PRMT8: variants seen among roughly 807,000 people sequenced by gnomAD.
The protein encoded by PRMT8 is protein arginine methyltransferase 8, also known as protein arginine N-methyltransferase 8.
PRMT8 carries 7 observed loss-of-function variants against 47.1 expected under a neutral mutation model. That is an observed-to-expected ratio of 0.15 (90% CI 0.08 to 0.28). The LOEUF is 0.28. Among genes scored for constraint, PRMT8 ranks in the 10% least tolerant of loss-of-function variants. The pLI, the probability that PRMT8 is intolerant of heterozygous loss-of-function variation, is 1.00. For missense variants in PRMT8, 237 were observed against 505.4 expected (o/e 0.47, Z 5.09); for synonymous variants, 188 against 186.5 (o/e 1.01, Z -0.07).
At chr12:3,382,855 C>T (rs558930930) in intron 1 of PRMT8, among the ~76,000 whole-genome samples, 1 of 152,136 alleles carries the variant, frequency 6.6e-6, no homozygotes, top group Non-Finnish European at 1.5e-5. Context: ...GTATATAACT[C>T]CATGATACAT....
At position 3,456,437 on chromosome 12, in the gene PRMT8, A is replaced by G. The variant is rs771314810; in HGVS notation, c.48+74995A>G. Among the ~76,000 whole-genome samples, 1 of 152,064 alleles carries G rather than the reference A, an allele frequency of 6.6e-6. No individual in the cohort carries two copies. Among genetic ancestry groups the G allele is most frequent in the Non-Finnish European group, 1.5e-5 (1 of 68,026 alleles). ...ACTGTTTTCGACAGAATTTCAAGGA[A>G]CTCCCAGAAACTCTGAAGCCACAAG... On this transcript the variant is annotated intron_variant, in intron 1 of 9. Transcript: ENST00000452611. The surrounding 1 kb of genome is among the most constrained non-coding windows in gnomAD (Gnocchi z 4.2).
chr12:3,587,274 A>G (rs912951778), intron 8 of PRMT8, among the ~76,000 whole-genome samples: 18 of 149,596 alleles, frequency 1.2e-4, no homozygotes, highest in African/African-American at 4.4e-4. Flanking sequence ...TATTAACTAG[A>G]ATGTAAATAG....
At chr12:3,475,315 A>C (rs1391139414) in intron 1 of PRMT8, among the ~76,000 whole-genome samples, 4 of 152,200 alleles carry the variant, frequency 2.6e-5, no homozygotes, top group African/African-American at 9.6e-5. Context: ...CAGGAAATGC[A>C]CGATTTCTTA....
intron 1 of PRMT8, among the ~76,000 whole-genome samples, chr12:3,441,093 T>C (rs183920416): frequency 3.3e-5 from 5 of 152,314 alleles, no homozygotes; most frequent in Non-Finnish European, 4.4e-5. Context: ...GATATTTGAA[T>C]TGATGTATCT....
chr12:3,507,400 C>T (rs370764272), intron 1 of PRMT8, among the ~76,000 whole-genome samples: 9 of 152,284 alleles, frequency 5.9e-5, no homozygotes, highest in East Asian at 3.9e-4. Context: ...GGATTACAGG[C>T]GTGAACCACC....
intron 1 of PRMT8, among the ~76,000 whole-genome samples, chr12:3,466,689 A>G (rs772590581): frequency 2.7e-4 from 41 of 152,196 alleles, no homozygotes; most frequent in Non-Finnish European, 5.0e-4. Context: ...TGTTTTGGAC[A>G]ATAGCTTGGG....
At chr12:3,437,897 G>A (rs1160155281) in intron 1 of PRMT8, among the ~76,000 whole-genome samples, 1 of 152,158 alleles carries the variant, frequency 6.6e-6, no homozygotes, top group Non-Finnish European at 1.5e-5. Context: ...GACACACGGC[G>A]AGGGCCCAGT....
intron 1 of PRMT8, among the ~76,000 whole-genome samples, chr12:3,455,210 C>T (rs1267971006): frequency 6.6e-6 from 1 of 152,158 alleles, no homozygotes; most frequent in East Asian, 1.9e-4. Context: ...TGGTCTGTTA[C>T]TGTGTAACTG....
upstream of PRMT8, among the ~76,000 whole-genome samples, chr12:3,488,117 G>T (rs762435171): frequency 1.1e-4 from 17 of 152,082 alleles, no homozygotes; most frequent in Non-Finnish European, 1.8e-4. Flanking sequence ...TTGTGTTTTT[G>T]TTTTCTCATC....
chr12:3,549,896 T>C, intron 2 of PRMT8, 40 bp from the exon 3 acceptor site: 1 of 1,608,122 alleles, frequency 6.2e-7, no homozygotes, highest in South Asian at 1.1e-5. Flanking sequence ...CCAGGTGTCT[T>C]GAATTCACTG....
At chr12:3,382,666 A>AT (rs1465973215) in intron 1 of PRMT8, among the ~76,000 whole-genome samples, 1 of 151,802 alleles carries the variant, frequency 6.6e-6, no homozygotes, top group African/African-American at 2.4e-5. Flanking sequence ...TTTGTGGGTT[A>AT]TTTTTTTCAT....
At chr12:3,404,093 T>A (rs1336305053) in intron 1 of PRMT8, among the ~76,000 whole-genome samples, 1 of 152,098 alleles carries the variant, frequency 6.6e-6, no homozygotes, top group Non-Finnish European at 1.5e-5. Flanking sequence ...CTTAAGAATG[T>A]TTTAAGAAAT....
chr12:3,402,355 C>T, intron 1 of PRMT8, among the ~76,000 whole-genome samples: 1 of 152,256 alleles, frequency 6.6e-6, no homozygotes, highest in South Asian at 2.1e-4. Context: ...AAATGTAAAA[C>T]CCAAAACTAT....
In PRMT8 at chr12:3,491,222, C is replaced by T. The variant is rs1865389831; in HGVS notation, c.-404C>T. The stretch of plus-strand genomic sequence containing the variant: ...CGTGTTGCTTCGCCCAGCGGATCGG[C>T]AGAAGTTGAGAGGAGTTGGCGGCTG... On this transcript the variant is annotated 5_prime_UTR_variant, in exon 1 of 10. Transcript: ENST00000382622. 1 of 1,002,394 alleles carries T rather than the reference C, an allele frequency of 1.0e-6. No individual in the cohort carries two copies. Among genetic ancestry groups the T allele is most frequent in the Non-Finnish European group, 1.2e-6 (1 of 841,150 alleles). The allele number at this position is 1,002,394 out of a possible 1,614,324, so 62.1% of individuals were successfully genotyped here. A position where few individuals can be genotyped will look rare whatever the true frequency, so the allele number is the denominator to read the frequency against.
At chr12:3,585,424 T>C (rs1192825415) in intron 8 of PRMT8, among the ~76,000 whole-genome samples, 3 of 120,950 alleles carry the variant, frequency 2.5e-5, no homozygotes, top group Non-Finnish European at 4.8e-5. Flanking sequence ...AGTGGCACAA[T>C]CATAGCTCAC....
At chr12:3,459,390 G>A (rs1332735219) in intron 1 of PRMT8, among the ~76,000 whole-genome samples, 2 of 152,024 alleles carry the variant, frequency 1.3e-5, no homozygotes, top group South Asian at 2.1e-4. Flanking sequence ...CGATTTCCTC[G>A]ATCGAGGGGA....
Position 3,456,736 on chromosome 12 carries a change from C to G in PRMT8, c.48+75294C>G, listed in dbSNP as rs556737471. Among the ~76,000 whole-genome samples, 1 of 152,090 alleles carries G rather than the reference C, an allele frequency of 6.6e-6. No individual in the cohort carries two copies. Among genetic ancestry groups the G allele is most frequent in the Non-Finnish European group, 1.5e-5 (1 of 68,020 alleles). ...TGAGGAACCCGTGAGAAGGGGCCAACGCCCGGAGCAGCCACCGTTTCTTAC... is the reference window on the plus strand; with the variant it reads ...TGAGGAACCCGTGAGAAGGGGCCAAGGCCCGGAGCAGCCACCGTTTCTTAC... On this transcript the variant is annotated intron_variant, in intron 1 of 9. Coordinates refer to the PRMT8 transcript ENST00000452611. This position sits in a 1 kb window ranked among gnomAD's most constrained non-coding sequence, Gnocchi z 4.2.
At chr12:3,541,096 A>C (rs990360804) in intron 2 of PRMT8, among the ~76,000 whole-genome samples, 1 of 152,206 alleles carries the variant, frequency 6.6e-6, no homozygotes. Context: ...CCATAAACCC[A>C]GCTCATCCAT....
At chr12:3,465,137 T>A (rs1378192395) in intron 1 of PRMT8, among the ~76,000 whole-genome samples, 70 of 119,652 alleles carry the variant, frequency 5.9e-4, no homozygotes, top group East Asian at 1.2e-3. Context: ...AAAATATATA[T>A]ATATATATAT....
Sources: gnomAD v4.1 joint callset for allele counts (sites outside exome capture counted in the v4.1 genomes callset) on GRCh38, gnomAD v4.1.1 for gene constraint, Gnocchi (gnomAD v3.1) non-coding constraint, MANE v1.5 for transcripts, NCBI Gene and HGNC (gene_info 2026-07-23, HGNC 2026-07-21) for gene names.